CSDE1: variants seen among roughly 807,000 people sequenced by gnomAD.
CSDE1 encodes the protein cold shock domain-containing protein E1.
A neutral mutation model predicts 89.3 loss-of-function variants in CSDE1; 17 were observed. That is an observed-to-expected ratio of 0.19 (90% confidence interval 0.13 to 0.29). The LOEUF (loss-of-function observed/expected upper bound fraction) is 0.29. Ranked by LOEUF, CSDE1 falls within the 10% of genes least tolerant of loss-of-function variation. The probability of loss-of-function intolerance (pLI) is 1.00; values close to 1 mark genes in which losing one functional copy is unlikely to be tolerated. For synonymous variants in CSDE1, 322 were observed against 332.8 expected, an observed-to-expected ratio of 0.97 and a Z score of 0.35; for missense variants, 672 against 984.2, an observed-to-expected ratio of 0.68 and a Z score of 4.24.
intron 2 of CSDE1, chr1:114,746,484 G>C (rs1363217692): frequency 6.6e-6 from 1 of 151,964 alleles, no homozygotes; most frequent in African/African-American, 2.4e-5. Context: ...CCAATTTGGT[G>C]ACTAATTTTA....
chr1:114,729,633 G>A (rs6663115), intron 12 of CSDE1, among the ~76,000 whole-genome samples: 116,098 of 151,970 alleles, frequency 0.76, 45,896 homozygotes, highest in East Asian at 1. Context: ...GTCTCCATCT[G>A]TTAGTAAAAC....
intron 16 of CSDE1, among the ~76,000 whole-genome samples, chr1:114,721,843 C>T (rs1408260290): frequency 6.6e-6 from 1 of 150,940 alleles, no homozygotes; most frequent in East Asian, 2.0e-4. Context: ...ACCTTGGCCT[C>T]CCGAAGTGTT....
chr1:114,737,992 T>A lies in CSDE1; in HGVS notation c.280A>T (p.Ile94Phe), dbSNP rs780318294. 1 of 1,613,822 alleles carries A rather than the reference T, an allele frequency of 6.2e-7. No individual in the cohort carries two copies. Among genetic ancestry groups the A allele is most frequent in the South Asian group, 1.1e-5 (1 of 91,070 alleles). ...CCATTCATTCGTTCTTCAGGGAGGA[T>A]TTCTTGTTTTATCTTCACCAGTTTA... ...AVKLVKIKQEILPEERMNGQV... is the reference protein window; with the variant it reads ...AVKLVKIKQEFLPEERMNGQV... Residue 94 changes from isoleucine (I) to phenylalanine (F), a missense_variant, in exon 4 of 20, where the codon ATC becomes TTC. Coordinates refer to ENST00000358528, the MANE Select transcript of CSDE1 (RefSeq NM_001007553.3).
At chr1:114,731,230 T>C (rs1660081637) in intron 10 of CSDE1, among the ~76,000 whole-genome samples, 1 of 152,162 alleles carries the variant, frequency 6.6e-6, no homozygotes, top group African/African-American at 2.4e-5. Flanking sequence ...CAATCTGCTA[T>C]TGTATTACAT....
chr1:114,726,245 C>T lies in CSDE1; in HGVS notation c.1606G>A (p.Ala536Thr). The T allele has an allele frequency of 1.2e-6, 2 of 1,611,384 alleles. No individual in the cohort carries two copies. Among genetic ancestry groups the T allele is most frequent in the Non-Finnish European group, 1.7e-6 (2 of 1,178,880 alleles). ...LKDNFGFIET[A>T]NHDKEIFFHY... ...AAAAAGATTTCCTTATCATGATTGG[C>T]TGTTTCAATAAATCCAAAATTATCC... is the stretch of plus-strand genomic sequence containing the variant. The change falls in exon 14 of 20, where the codon GCC becomes ACC. Residue 536 changes from alanine (A) to threonine (T), a missense_variant. Physicochemically the swap from Ala to Thr is moderately conservative, Grantham distance 58. Around this residue, in one of 8 missense-constraint regions of CSDE1, gnomAD observed 206 missense variants for 332.4 expected, o/e 0.62. Transcript: ENST00000358528.
At position 114,732,689 on chromosome 1, in the gene CSDE1, G is replaced by A; in HGVS notation, c.965C>T (p.Thr322Ile). The A allele has an allele frequency of 6.2e-7, 1 of 1,614,164 alleles. No homozygotes were observed. Among genetic ancestry groups the A allele is most frequent in the Non-Finnish European group, 8.5e-7 (1 of 1,180,022 alleles). Residue 322 changes from threonine (T) to isoleucine (I), a missense_variant, in exon 10 of 20, where the codon ACA becomes ATA. This residue lies in a region of CSDE1 where 169 missense variants were observed against 262.9 expected (regional missense o/e 0.64). Coordinates refer to ENST00000358528, the MANE Select transcript of CSDE1 (RefSeq NM_001007553.3). ...TCGCTCTAATTTGTCACGTCGGTCT[G>A]TTGAAATATTAAACCTAACATGGTC... Reference protein sequence around the residue: ...EGDHVRFNISTDRRDKLERAT... With the variant: ...EGDHVRFNISIDRRDKLERAT...
intron 1 of CSDE1, among the ~76,000 whole-genome samples, chr1:114,756,326 CG>C (rs1208267340): frequency 6.6e-6 from 1 of 152,100 alleles, no homozygotes; most frequent in Non-Finnish European, 1.5e-5. Context: ...AGGGCTAAAA[CG>C]AAACAAAAAG....
chr1:114,724,105 T>TG (rs1411612683), intron 15 of CSDE1, 103 bp from the exon 16 acceptor site: 1 of 1,317,188 alleles, frequency 7.6e-7, no homozygotes, highest in East Asian at 2.5e-5. Context: ...CAGGGTAGGT[T>TG]GGCTGGCTGC....
At chr1:114,743,436 G>A (rs999099863) in intron 2 of CSDE1, among the ~76,000 whole-genome samples, 6 of 152,090 alleles carry the variant, frequency 3.9e-5, no homozygotes, top group African/African-American at 7.2e-5. Flanking sequence ...CAAGTGATCC[G>A]GCCCCTGCAC....
At chr1:114,740,580 G>A (rs1215537536) in intron 2 of CSDE1, among the ~76,000 whole-genome samples, 6 of 152,164 alleles carry the variant, frequency 3.9e-5, no homozygotes, top group Admixed American at 3.9e-4. Flanking sequence ...TTACCTAAAA[G>A]AAACCCTTCA....
At chr1:114,744,031 T>C (rs1246658433) in intron 2 of CSDE1, among the ~76,000 whole-genome samples, 1 of 152,064 alleles carries the variant, frequency 6.6e-6, no homozygotes, top group Admixed American at 6.5e-5. Context: ...ATCAGCACCA[T>C]CAAAAAACAA....
chr1:114,757,386 G>T (rs1230171809), intron 1 of CSDE1, among the ~76,000 whole-genome samples: 1 of 152,128 alleles, frequency 6.6e-6, no homozygotes, highest in Non-Finnish European at 1.5e-5. Flanking sequence ...CTGGTAGTCA[G>T]ATTCCCAAGC....
chr1:114,755,115 C>A (rs999489134), intron 1 of CSDE1, among the ~76,000 whole-genome samples: 1 of 152,208 alleles, frequency 6.6e-6, no homozygotes, highest in African/African-American at 2.4e-5. Flanking sequence ...GACACTGTTA[C>A]ATTCCTTGAA....
At chr1:114,719,502 T>C (rs1482352317) in intron 18 of CSDE1, 77 bp downstream of exon 18, 1 of 1,384,736 alleles carries the variant, frequency 7.2e-7, no homozygotes, top group Non-Finnish European at 9.8e-7. Flanking sequence ...CACAGAAAAG[T>C]GATGTGACAA....
chr1:114,737,541 T>G lies in CSDE1; in HGVS notation c.332A>C (p.Asn111Thr). Reference protein sequence around the residue: ...NGQVVCAVPHNLESKSPAAPG... With the variant: ...NGQVVCAVPHTLESKSPAAPG... ...GGCAGCTGGAGATTTACTCTCTAAG[T>G]TGTGAGGAACAGCGCACACAACCTA... is the stretch of plus-strand genomic sequence containing the variant. Residue 111 changes from asparagine to threonine, a missense_variant, in exon 5 of 20, where the codon AAC becomes ACC. Physicochemically the swap from Asn to Thr is moderately conservative, Grantham distance 65. Coordinates refer to ENST00000358528, the MANE Select transcript of CSDE1 (RefSeq NM_001007553.3). 6.2e-7 allele frequency: 1 copy of G among 1,613,924 alleles called. No individual in the cohort carries two copies. Among genetic ancestry groups the G allele is most frequent in the Non-Finnish European group, 8.5e-7 (1 of 1,179,974 alleles).
At chr1:114,718,817 G>T (rs1659348889) in intron 18 of CSDE1, 72 bp from the exon 19 acceptor site, 3 of 1,547,678 alleles carry the variant, frequency 1.9e-6, no homozygotes, top group South Asian at 2.4e-5. Flanking sequence ...AAAGGAGTGT[G>T]TTTTCCACCT....
At chr1:114,726,138 T>C in intron 14 of CSDE1, 73 bp downstream of exon 14, 1 of 1,421,242 alleles carries the variant, frequency 7.0e-7, no homozygotes, top group Non-Finnish European at 9.5e-7. Flanking sequence ...CAATCAATAC[T>C]AAATGTTTTT....
At chr1:114,747,455 T>C (rs1340874732) in intron 2 of CSDE1, among the ~76,000 whole-genome samples, 1 of 152,234 alleles carries the variant, frequency 6.6e-6, no homozygotes, top group Non-Finnish European at 1.5e-5. Context: ...TGCATTTATA[T>C]ATTAAAATGT....
chr1:114,724,070 C>A, intron 15 of CSDE1, 68 bp from the exon 16 acceptor site: 11 of 1,514,234 alleles, frequency 7.3e-6, no homozygotes, highest in Admixed American at 5.9e-5. Flanking sequence ...GACAAGTAAG[C>A]AAAAAATAAC....
Sources: allele counts gnomAD v4.1 joint callset (sites outside exome capture counted in the v4.1 genomes callset), GRCh38; gene constraint gnomAD v4.1.1; regional missense constraint gnomAD v4.1.1; transcripts MANE v1.5; gene names NCBI Gene and HGNC (gene_info 2026-07-23, HGNC 2026-07-21).